Variants in COBLL1 observed in about 807,000 individuals in gnomAD.
COBLL1 encodes the protein cordon-bleu protein-like 1.
COBLL1 carries 50 observed loss-of-function variants against 94.8 expected under a neutral mutation model. The observed-to-expected ratio is 0.53, with a 90% CI of 0.42 to 0.67. The LOEUF is 0.67. Ranked by LOEUF, COBLL1 falls within the 30% of genes least tolerant of loss-of-function variation. The pLI, the probability that COBLL1 is intolerant of heterozygous loss-of-function variation, is 0.00. For synonymous variants in COBLL1, 448 were observed against 473.8 expected, an observed-to-expected ratio of 0.95 and a Z score of 0.71; for missense variants, 1,362 against 1,348.7, an observed-to-expected ratio of 1.01 and a Z score of -0.15.
chr2:164,677,402 G>T (rs543550280), downstream of COBLL1, among the ~76,000 whole-genome samples: 18 of 152,208 alleles, frequency 1.2e-4, no homozygotes, highest in South Asian at 3.7e-3. Context: ...AAAGGTACTG[G>T]TAGGAACAAG....
chr2:164,742,463 T>C lies in COBLL1; in HGVS notation c.230+1224A>G, dbSNP rs116074206. Among the ~76,000 whole-genome samples, 881 of 152,190 alleles carry C rather than the reference T, an allele frequency of 5.8e-3. 9 individuals carry two copies. The highest frequency in any genetic ancestry group is 0.02 in the African/African-American group (831 of 41,530). The stretch of plus-strand genomic sequence containing the variant: ...AACCAGAGTAATATTATTTCAAGAA[T>C]TGATGATAATGGCCATTGTCTCTAA... On this transcript the variant is annotated intron_variant, in intron 3 of 13. Transcript: ENST00000652658.
At chr2:164,773,818 T>C (rs1688330497) in intron 2 of COBLL1, 3 of 1,173,448 alleles carry the variant, frequency 2.6e-6, no homozygotes, top group South Asian at 3.1e-5. Context: ...TTATCATGTA[T>C]GTGTAAGCGC....
At chr2:164,698,059 AAAAC>A (rs1684045694) in intron 11 of COBLL1, 1 of 152,090 alleles carries the variant, frequency 6.6e-6, no homozygotes, top group African/African-American at 2.4e-5. Flanking sequence ...AAGTCGTAGC[AAAAC>A]AAACCATATG....
At chr2:164,818,788 A>ATATATATATATATATAT (rs1321512077) in intron 2 of COBLL1, among the ~76,000 whole-genome samples, 2 of 149,660 alleles carry the variant, frequency 1.3e-5, no homozygotes, top group African/African-American at 2.5e-5. Flanking sequence ...ATATACATAT[A>ATATATATATATATATAT]ATTTTTTTTC....
intron 2 of COBLL1, chr2:164,779,727 C>T (rs1488552709): frequency 4.2e-6 from 2 of 471,036 alleles, no homozygotes; most frequent in South Asian, 3.1e-5. Context: ...ACAGAGACCA[C>T]ACAGACTAGG....
At position 164,685,539 on chromosome 2, in the gene COBLL1, A is replaced by C. The variant is rs181072591; in HGVS notation, c.*407T>G. ...ATAAATATTTCCAATTGCTACACTG[A>C]GGCAGCAAATGTCATATCTATGTTT... On this transcript the variant is annotated 3_prime_UTR_variant, in exon 14 of 14. Coordinates refer to ENST00000652658, the MANE Select transcript of COBLL1 (RefSeq NM_001365672.2). The C allele has an allele frequency of 1.9e-5, 3 of 153,984 alleles. No individual in the cohort carries two copies. The highest frequency in any genetic ancestry group is 6.5e-5 in the Admixed American group (1 of 15,320). 9.5% of individuals were successfully genotyped at this position (153,984 alleles called of 1,614,324 possible).
intron 2 of COBLL1, among the ~76,000 whole-genome samples, chr2:164,777,222 A>G (rs1329398844): frequency 1.3e-5 from 2 of 151,904 alleles, no homozygotes; most frequent in Non-Finnish European, 2.9e-5. Flanking sequence ...TCAGTTCTGT[A>G]TCTGGCATAT....
At chr2:164,762,931 T>C (rs1184817181) in intron 2 of COBLL1, among the ~76,000 whole-genome samples, 1 of 152,072 alleles carries the variant, frequency 6.6e-6, no homozygotes, top group Non-Finnish European at 1.5e-5. Context: ...CTCTTGACCT[T>C]GTGCTCCGCC....
intron 13 of COBLL1, chr2:164,687,346 A>G (rs901510352): frequency 7.3e-6 from 5 of 689,244 alleles, no homozygotes; most frequent in African/African-American, 7.0e-5. Context: ...TTGACCCCAC[A>G]GCCATATGAG....
intron 2 of COBLL1, among the ~76,000 whole-genome samples, chr2:164,658,024 G>A (rs1289986061): frequency 6.6e-6 from 1 of 152,092 alleles, no homozygotes; most frequent in Admixed American, 6.5e-5. Context: ...TTTATATCCC[G>A]ATCATTGTCC....
intron 1 of COBLL1, among the ~76,000 whole-genome samples, chr2:164,672,684 C>T (rs1013551190): frequency 1.7e-5 from 2 of 120,872 alleles, no homozygotes; most frequent in East Asian, 2.2e-4. Context: ...CCGGCCTGGG[C>T]GACAGAGCGA....
At chr2:164,818,342 A>G (rs1262413233) in intron 2 of COBLL1, among the ~76,000 whole-genome samples, 2 of 150,390 alleles carry the variant, frequency 1.3e-5, no homozygotes, top group Non-Finnish European at 3.0e-5. Flanking sequence ...ATATGTATAT[A>G]TACATATGTG....
chr2:164,663,773 G>C (rs1691106485), intron 2 of COBLL1, among the ~76,000 whole-genome samples: 1 of 152,112 alleles, frequency 6.6e-6, no homozygotes, highest in Non-Finnish European at 1.5e-5. Flanking sequence ...ATAAGGATGG[G>C]AACAATAGAT....
chr2:164,747,893 C>T (rs1201367875), intron 2 of COBLL1, among the ~76,000 whole-genome samples: 1 of 152,132 alleles, frequency 6.6e-6, no homozygotes, highest in African/African-American at 2.4e-5. Flanking sequence ...AGACCAAGAT[C>T]CTTCCACAGT....
intron 2 of COBLL1, among the ~76,000 whole-genome samples, chr2:164,839,472 C>A (rs945353619): frequency 4.6e-5 from 7 of 152,188 alleles, no homozygotes; most frequent in African/African-American, 1.7e-4. Context: ...GTTCTTACTA[C>A]AGTTATGCTT....
chr2:164,787,624 T>C (rs1220429861), intron 2 of COBLL1, among the ~76,000 whole-genome samples: 1 of 152,158 alleles, frequency 6.6e-6, no homozygotes, highest in African/African-American at 2.4e-5. Flanking sequence ...CACTCCTGCA[T>C]CCCTTGCCTG....
intron 1 of COBLL1, among the ~76,000 whole-genome samples, chr2:164,671,216 C>A (rs530714468): frequency 2.0e-5 from 3 of 152,196 alleles, no homozygotes; most frequent in African/African-American, 7.2e-5. Context: ...GAGAAAGTAT[C>A]TATAAATTAG....
At chr2:164,721,286 A>T (rs75759235) in intron 7 of COBLL1, among the ~76,000 whole-genome samples, 2,280 of 152,328 alleles carry the variant, frequency 0.015, 52 homozygotes, top group African/African-American at 0.052. Flanking sequence ...TACTTAAATC[A>T]TTCTTTCTGA....
chr2:164,774,101 T>C (rs1688346814), intron 2 of COBLL1, among the ~76,000 whole-genome samples: 1 of 152,214 alleles, frequency 6.6e-6, no homozygotes, highest in South Asian at 2.1e-4. Flanking sequence ...TTTGATCTGA[T>C]TGCTAAGAAG....
Sources: gnomAD v4.1 joint callset for allele counts (sites outside exome capture counted in the v4.1 genomes callset) on GRCh38, gnomAD v4.1.1 for gene constraint, MANE v1.5 for transcripts, NCBI Gene and HGNC (gene_info 2026-07-23, HGNC 2026-07-21) for gene names.